Variants in DYNC2H1 observed in about 807,000 individuals in gnomAD.
DYNC2H1 encodes the protein dynein cytoplasmic 2 heavy chain 1.
Under a neutral mutation model 570.0 loss-of-function variants are expected in DYNC2H1, and 410 were observed. The ratio of observed to expected loss-of-function variants is 0.72; its 90% CI spans 0.66 to 0.78. The LOEUF (loss-of-function observed/expected upper bound fraction) is 0.78. Among genes scored for constraint, DYNC2H1 ranks in the 30% least tolerant of loss-of-function variants. DYNC2H1 has a pLI of 0.00. For synonymous variants in DYNC2H1, 1,688 were observed against 1,677.6 expected (o/e 1.01, Z -0.15); for missense variants, 4,865 against 5,046.4 (o/e 0.96, Z 1.09).
At chr11:103,251,652 T>C (rs1167782199) in intron 65 of DYNC2H1, among the ~76,000 whole-genome samples, 3 of 152,088 alleles carry the variant, frequency 2.0e-5, no homozygotes, top group Admixed American at 6.6e-5. Context: ...ATCCTACATA[T>C]CTGCTATTTT....
chr11:103,191,984 T>G, intron 46 of DYNC2H1, 113 bp from the exon 47 acceptor site: 1 of 825,638 alleles, frequency 1.2e-6, no homozygotes, highest in Non-Finnish European at 1.7e-6. Flanking sequence ...CTTCCATTTA[T>G]CTGATGCCAA....
Position 103,249,184 on chromosome 11 carries a change from T to C in DYNC2H1, c.10042+3810T>C, listed in dbSNP as rs897203553. The stretch of plus-strand genomic sequence containing the variant: ...CTATGAATAAGAGATGAGACAACAC[T>C]GAAGAGTCTTTTTTAGACAATAAAA... On this transcript the variant is annotated intron_variant, in intron 65 of 88. Coordinates refer to ENST00000375735, the MANE Select transcript of DYNC2H1 (RefSeq NM_001377.3). This position sits in a 1 kb window ranked among gnomAD's most constrained non-coding sequence, Gnocchi z 4.6. Among the ~76,000 whole-genome samples the C allele has an allele frequency of 1.3e-5, 2 of 152,004 alleles. No homozygotes were observed. Among genetic ancestry groups the C allele is most frequent in the African/African-American group, 2.4e-5 (1 of 41,424 alleles).
chr11:103,150,303 C>T (rs868751732), intron 20 of DYNC2H1, among the ~76,000 whole-genome samples: 18 of 151,964 alleles, frequency 1.2e-4, no homozygotes, highest in South Asian at 6.2e-4. Context: ...TGGAGGGAGA[C>T]AATAGTGGTG....
chr11:103,200,009 C>T lies in DYNC2H1; in HGVS notation c.8089-37C>T. ...TTAATTTTTAACTGTACCAAAAATA[C>T]TTAAAGGGCACTAAAAAATATTTTC... On this transcript the variant is annotated intron_variant, in intron 49 of 88. Transcript: ENST00000375735. 3 of 1,388,608 alleles carry T rather than the reference C, an allele frequency of 2.2e-6. No homozygotes were observed. In the South Asian group the frequency reaches 3.8e-5, roughly 17 times the overall value. 86.0% of individuals were successfully genotyped at this position (1,388,608 alleles called of 1,614,324 possible). A position where few individuals can be genotyped will look rare whatever the true frequency, so the allele number is the denominator to read the frequency against.
At chr11:103,266,273 G>A (rs527452724) in intron 70 of DYNC2H1, among the ~76,000 whole-genome samples, 1 of 152,094 alleles carries the variant, frequency 6.6e-6, no homozygotes, top group Non-Finnish European at 1.5e-5. Flanking sequence ...TTAACCAGGT[G>A]GGGGAGGCAG....
chr11:103,309,168 A>ATTTTTTTTTTTTTTTTTTTTTTTTT lies in DYNC2H1; in HGVS notation c.11493+1361_11493+1362insTTTTTTTTTTTTTTTTTTTTTTTTT, dbSNP rs386374721. Among the ~76,000 whole-genome samples the ATTTTTTTTTTTTTTTTTTTTTTTTT allele has an allele frequency of 5.9e-3, 321 of 54,638 alleles. 65 individuals carry two copies. Among genetic ancestry groups the ATTTTTTTTTTTTTTTTTTTTTTTTT allele is most frequent in the Non-Finnish European group, 7.3e-3 (214 of 29,370 alleles). 35.8% of individuals were successfully genotyped at this position (54,638 alleles called of 152,430 possible). A position where few individuals can be genotyped will look rare whatever the true frequency, so the allele number is the denominator to read the frequency against. On this transcript the variant is annotated intron_variant, in intron 78 of 88. Transcript: ENST00000375735. ...TTATTAGTGTTTGTAACTGCATGCT[A>ATTTTTTTTTTTTTTTTTTTTTTTTT]TTTTTTTTTTTTTTTTTTTTTTTTG...
chr11:103,113,247 G>C (rs1329743474), intron 1 of DYNC2H1, among the ~76,000 whole-genome samples: 1 of 152,086 alleles, frequency 6.6e-6, no homozygotes, highest in Non-Finnish European at 1.5e-5. Flanking sequence ...ATGGAATCTG[G>C]CTGGAATGGA....
intron 55 of DYNC2H1, among the ~76,000 whole-genome samples, chr11:103,217,504 A>G (rs1203433247): frequency 2.0e-5 from 3 of 152,132 alleles, no homozygotes; most frequent in Admixed American, 2.0e-4. Flanking sequence ...TTTTTGAAAA[A>G]TGGTGCTGGA....
At chr11:103,393,461 T>C (rs1942259302) in intron 83 of DYNC2H1, among the ~76,000 whole-genome samples, 1 of 152,244 alleles carries the variant, frequency 6.6e-6, no homozygotes, top group South Asian at 2.1e-4. Flanking sequence ...TGCCATCTTT[T>C]CTATTAATAG....
At position 103,277,423 on chromosome 11, in the gene DYNC2H1, C is replaced by G. The variant is rs1268745091; in HGVS notation, c.10696-2925C>G. 6.6e-6 allele frequency among the ~76,000 whole-genome samples: 1 copy of G among 152,088 alleles called. No homozygotes were observed. Among genetic ancestry groups the G allele is most frequent in the African/African-American group, 2.4e-5 (1 of 41,424 alleles). On this transcript the variant is annotated intron_variant, in intron 70 of 88. Transcript: ENST00000375735. This position sits in a 1 kb window ranked among gnomAD's most constrained non-coding sequence, Gnocchi z 4.3. ...AAGTTCTCTCCCCCTCCTTCATCTG[C>G]CTTTTTCAGAAGCGCTGTATACTTC...
At chr11:103,342,013 T>C (rs12364260) in intron 82 of DYNC2H1, among the ~76,000 whole-genome samples, 32,956 of 152,088 alleles carry the variant, frequency 0.22, 3,710 homozygotes, top group Admixed American at 0.31. Context: ...TGGTGGCATG[T>C]GCCTATAGTC....
At position 103,228,539 on chromosome 11, in the gene DYNC2H1, C is replaced by G. The variant is rs111618914; in HGVS notation, c.9354-2721C>G. ...TCTGCACAGAGTCCTGTGATGTGAT[C>G]TGTCTTCAGGTATCTTAGCTGTGGA... On this transcript the variant is annotated intron_variant, in intron 59 of 88. Transcript: ENST00000375735. The surrounding 1 kb of genome is among the most constrained non-coding windows in gnomAD (Gnocchi z 6.1). 0.034 allele frequency among the ~76,000 whole-genome samples: 5,205 copies of G among 152,264 alleles called. 300 individuals carry two copies. The highest frequency in any genetic ancestry group is 0.12 in the African/African-American group (4,943 of 41,530).
At chr11:103,134,171 C>A in intron 14 of DYNC2H1, 150 bp from the exon 15 acceptor site, 1 of 621,702 alleles carries the variant, frequency 1.6e-6, no homozygotes, top group South Asian at 2.3e-5. Flanking sequence ...TTTTGCCCTT[C>A]TCAGTACATT....
At position 103,243,576 on chromosome 11, in the gene DYNC2H1, A is replaced by C. The variant is rs1864499371; in HGVS notation, c.9820-117A>C. 2 of 847,974 alleles carry C rather than the reference A, an allele frequency of 2.4e-6. No homozygotes were observed. The highest frequency in any genetic ancestry group is 3.8e-5 in the South Asian group (2 of 52,350). The allele number at this position is 847,974 out of a possible 1,614,324, so 52.5% of individuals were successfully genotyped here. A position where few individuals can be genotyped will look rare whatever the true frequency, so the allele number is the denominator to read the frequency against. On this transcript the variant is annotated intron_variant, in intron 63 of 88. Transcript: ENST00000375735. This position sits in a 1 kb window ranked among gnomAD's most constrained non-coding sequence, Gnocchi z 4.8. ...TCATGGTTGTATATTTGTGTTCTCC[A>C]AAGCTTGAGAGAAAAGATCATTTAG...
At chr11:103,471,876 G>C (rs1945401512) in intron 88 of DYNC2H1, among the ~76,000 whole-genome samples, 1 of 152,088 alleles carries the variant, frequency 6.6e-6, no homozygotes, top group Non-Finnish European at 1.5e-5. Context: ...GATGAGGGAG[G>C]CTTCAACTCT....
intron 88 of DYNC2H1, among the ~76,000 whole-genome samples, chr11:103,470,470 G>T (rs896910755): frequency 6.6e-5 from 10 of 152,038 alleles, no homozygotes; most frequent in Admixed American, 5.2e-4. Flanking sequence ...TGTGCACAAC[G>T]TGCAGGTTTG....
Position 103,399,577 on chromosome 11 carries a change from C to G in DYNC2H1, c.12157-86C>G. ...AAATAGTTTTTAAAACAGAATAGAA[C>G]AAAAGGTTTAAATAAGTTTCAAAGC... is the stretch of plus-strand genomic sequence containing the variant. On this transcript the variant is annotated intron_variant, in intron 83 of 88. Coordinates refer to ENST00000375735, the MANE Select transcript of DYNC2H1 (RefSeq NM_001377.3). The G allele has an allele frequency of 4.3e-6, 4 of 927,548 alleles. 1 individual carries two copies. In the South Asian group the frequency reaches 7.6e-5, roughly 18 times the overall value. The allele number at this position is 927,548 out of a possible 1,614,324, so 57.5% of individuals were successfully genotyped here.
intron 75 of DYNC2H1, among the ~76,000 whole-genome samples, chr11:103,296,417 A>G (rs1866827654): frequency 6.6e-6 from 1 of 152,216 alleles, no homozygotes; most frequent in Non-Finnish European, 1.5e-5. Context: ...AAATTTGGAT[A>G]AACATGGTGA....
chr11:103,321,374 T>G, intron 81 of DYNC2H1, 137 bp downstream of exon 81: 1 of 970,460 alleles, frequency 1.0e-6, no homozygotes, highest in Non-Finnish European at 1.5e-6. Flanking sequence ...TGACAATATA[T>G]GGCTTGATTC....
Sources: allele counts gnomAD v4.1 joint callset (sites outside exome capture counted in the v4.1 genomes callset), GRCh38; gene constraint gnomAD v4.1.1; non-coding constraint Gnocchi (gnomAD v3.1); transcripts MANE v1.5; gene names NCBI Gene and HGNC (gene_info 2026-07-23, HGNC 2026-07-21).